Variants in CFAP20DC observed in about 807,000 individuals in gnomAD.
CFAP20DC encodes protein CFAP20DC.
Under a neutral mutation model 101.7 loss-of-function variants are expected in CFAP20DC, and 84 were observed. The observed-to-expected ratio is 0.83, with a 90% CI of 0.69 to 0.99. CFAP20DC has a LOEUF of 0.99. CFAP20DC is among the 50% of genes least tolerant of loss of function. CFAP20DC has a pLI of 0.00. For synonymous variants in CFAP20DC, 359 were observed against 351.2 expected (o/e 1.02, Z -0.25); for missense variants, 1,007 against 970.3 (o/e 1.04, Z -0.50).
intron 4 of CFAP20DC, among the ~76,000 whole-genome samples, chr3:58,957,853 T>C (rs890706018): frequency 6.6e-6 from 1 of 152,054 alleles, no homozygotes; most frequent in Non-Finnish European, 1.5e-5. Context: ...GGCTGGGAAG[T>C]GTAGCGGGCA....
At position 58,753,836 on chromosome 3, in the gene CFAP20DC, T is replaced by G; in HGVS notation, c.2265A>C (p.Pro755=). Residue 755 remains proline, a synonymous_variant, in exon 16 of 17, where the codon CCA becomes CCC. Coordinates refer to ENST00000482387, the MANE Select transcript of CFAP20DC (RefSeq NM_001394063.1). ...CCGGCTGTTGACTGGGAGGAACGATTGGTGGGCTCAACATATTTAACCAGT... is the reference window on the plus strand; with the variant it reads ...CCGGCTGTTGACTGGGAGGAACGATGGGTGGGCTCAACATATTTAACCAGT... ...PRDWLNMLSP[P]IVPPSQQPAE... 6.2e-7 allele frequency: 1 copy of G among 1,612,650 alleles called. No individual in the cohort carries two copies. Among genetic ancestry groups the G allele is most frequent in the East Asian group, 2.2e-5 (1 of 44,844 alleles).
intron 5 of CFAP20DC, among the ~76,000 whole-genome samples, chr3:58,920,369 C>A (rs557562480): frequency 6.6e-6 from 1 of 152,238 alleles, no homozygotes; most frequent in Admixed American, 6.5e-5. Context: ...GTTGGGAATA[C>A]AGGCATGAGC....
At chr3:58,915,246 C>A (rs1168791680) in intron 5 of CFAP20DC, among the ~76,000 whole-genome samples, 1 of 151,976 alleles carries the variant, frequency 6.6e-6, no homozygotes, top group East Asian at 1.9e-4. Context: ...GTGAGGAGGG[C>A]TGGCTAGGAA....
At chr3:58,832,246 G>T (rs1360711498) in intron 13 of CFAP20DC, among the ~76,000 whole-genome samples, 1 of 152,098 alleles carries the variant, frequency 6.6e-6, no homozygotes, top group Non-Finnish European at 1.5e-5. Context: ...AACTGGGTCA[G>T]CTCCTTTATG....
chr3:58,938,211 G>C (rs963094191), intron 4 of CFAP20DC, among the ~76,000 whole-genome samples: 1 of 152,138 alleles, frequency 6.6e-6, no homozygotes, highest in African/African-American at 2.4e-5. Context: ...TCTGCTTAGA[G>C]ACAGACACAA....
At chr3:58,959,116 TG>T (rs1458200350) in intron 4 of CFAP20DC, among the ~76,000 whole-genome samples, 1 of 152,176 alleles carries the variant, frequency 6.6e-6, no homozygotes, top group Non-Finnish European at 1.5e-5. Context: ...TTTTTTGAGA[TG>T]GAGTTTCACT....
intron 16 of CFAP20DC, among the ~76,000 whole-genome samples, chr3:58,747,799 C>T (rs558248725): frequency 9.9e-5 from 15 of 152,216 alleles, no homozygotes; most frequent in African/African-American, 3.6e-4. Context: ...TTAACTCACA[C>T]TAAAGTCTGA....
chr3:58,927,865 T>C (rs1350551697), intron 5 of CFAP20DC, among the ~76,000 whole-genome samples: 1 of 152,120 alleles, frequency 6.6e-6, no homozygotes, highest in African/African-American at 2.4e-5. Flanking sequence ...TTTAATTAAA[T>C]AAGGGCTCTT....
rs922372964 is a variant in CFAP20DC, at chr3:58,808,128, G to T, written c.2176-1672C>A. Among the ~76,000 whole-genome samples the T allele has an allele frequency of 6.6e-5, 10 of 152,326 alleles. No individual in the cohort carries two copies. In the South Asian group the frequency reaches 1.9e-3, roughly 28 times the overall value. On this transcript the variant is annotated intron_variant, in intron 14 of 16. Coordinates refer to ENST00000482387, the MANE Select transcript of CFAP20DC (RefSeq NM_001394063.1). Reference sequence around the variant, plus strand: ...GTGACAGGGAGAATGGAACCAAGTTGGAAAACACTCTGCAAGATATTATCC... The same window carrying T: ...GTGACAGGGAGAATGGAACCAAGTTTGAAAACACTCTGCAAGATATTATCC...
In CFAP20DC at chr3:58,864,209, G is replaced by A. The variant is rs535748666; in HGVS notation, c.1259-317C>T. On this transcript the variant is annotated intron_variant, in intron 11 of 16. Coordinates refer to ENST00000482387, the MANE Select transcript of CFAP20DC (RefSeq NM_001394063.1). This position sits in a 1 kb window ranked among gnomAD's most constrained non-coding sequence, Gnocchi z 4.7. Reference sequence around the variant, plus strand: ...CCTGACTTCATGATCTGCCCGCCTCGGCCTCCCAAAAAGCTGGGATTACAG... The same window carrying A: ...CCTGACTTCATGATCTGCCCGCCTCAGCCTCCCAAAAAGCTGGGATTACAG... 2.1e-3 allele frequency among the ~76,000 whole-genome samples: 315 copies of A among 152,210 alleles called. 3 individuals are homozygous for A. The highest frequency in any genetic ancestry group is 7.3e-3 in the African/African-American group (305 of 41,526).
chr3:58,983,033 C>G (rs1054684105), intron 4 of CFAP20DC, among the ~76,000 whole-genome samples: 1 of 151,796 alleles, frequency 6.6e-6, no homozygotes, highest in Non-Finnish European at 1.5e-5. Context: ...AGGGTCTGAA[C>G]AGAAAAAGGA....
intron 15 of CFAP20DC, among the ~76,000 whole-genome samples, chr3:58,805,153 T>C (rs1482514036): frequency 3.3e-5 from 5 of 152,198 alleles, no homozygotes; most frequent in African/African-American, 1.2e-4. Context: ...ATTCTCTTTC[T>C]TGAAAAAGGA....
chr3:58,721,639 C>T lies in CFAP20DC; in HGVS notation c.198-4011G>A, dbSNP rs943899710. On this transcript the variant is annotated intron_variant, in intron 3 of 3. Coordinates refer to the CFAP20DC transcript ENST00000486145. The surrounding 1 kb of genome is among the most constrained non-coding windows in gnomAD (Gnocchi z 5.2). ...AGCAGTGTGGCTGGGGAGAGAAGAGCCATGTGGTCCAGACAAATCTGGAGG... is the reference window on the plus strand; with the variant it reads ...AGCAGTGTGGCTGGGGAGAGAAGAGTCATGTGGTCCAGACAAATCTGGAGG... Among the ~76,000 whole-genome samples the T allele has an allele frequency of 6.6e-6, 1 of 152,092 alleles. No homozygotes were observed. Among genetic ancestry groups the T allele is most frequent in the Admixed American group, 6.5e-5 (1 of 15,272 alleles).
intron 5 of CFAP20DC, among the ~76,000 whole-genome samples, chr3:58,915,985 T>G (rs1473037301): frequency 6.6e-6 from 1 of 152,160 alleles, no homozygotes; most frequent in Non-Finnish European, 1.5e-5. Flanking sequence ...TTCTCTCATT[T>G]GCTCTCATTT....
In CFAP20DC at chr3:59,015,273, A is replaced by G. The variant is rs115078887; in HGVS notation, c.278+24284T>C. Among the ~76,000 whole-genome samples, 345 of 152,156 alleles carry G rather than the reference A, an allele frequency of 2.3e-3. No homozygotes were observed. Among genetic ancestry groups the G allele is most frequent in the African/African-American group, 8.1e-3 (335 of 41,524 alleles). ...AGGCACCCACTTTCTCTTCTTGAGT[A>G]AGTTTACTCCCACAGGAGTAGAAGT... On this transcript the variant is annotated intron_variant, in intron 4 of 16. Coordinates refer to ENST00000482387, the MANE Select transcript of CFAP20DC (RefSeq NM_001394063.1). This position sits in a 1 kb window ranked among gnomAD's most constrained non-coding sequence, Gnocchi z 5.4.
rs557784267 is a variant in CFAP20DC, at chr3:58,815,925, G to C, written c.2176-9469C>G. ...ACACTGTTGCTGGGACTGTAAACTA[G>C]TTCAACCATTGTGGAAGTCAGTGTG... On this transcript the variant is annotated intron_variant, in intron 14 of 16. Transcript: ENST00000482387. Among the ~76,000 whole-genome samples the C allele has an allele frequency of 8.2e-3, 1,246 of 151,622 alleles. 36 individuals are homozygous for C. Among genetic ancestry groups the C allele is most frequent in the African/African-American group, 0.029 (1,186 of 40,978 alleles).
At chr3:58,810,955 T>C (rs549196767) in intron 14 of CFAP20DC, among the ~76,000 whole-genome samples, 15 of 152,082 alleles carry the variant, frequency 9.9e-5, no homozygotes, top group East Asian at 7.7e-4. Context: ...CCATGCACAA[T>C]TGCTTCAAAG....
In CFAP20DC at chr3:58,753,857, C is replaced by T; in HGVS notation, c.2244G>A (p.Trp748Ter). The change falls in exon 16 of 17, where the codon TGG becomes TGA. Residue 748 changes from tryptophan to a stop codon, truncating the protein, a stop_gained. Transcript: ENST00000482387. LOFTEE classifies it high-confidence loss of function. The stretch of plus-strand genomic sequence containing the variant: ...CGATTGGTGGGCTCAACATATTTAA[C>T]CAGTCCCTAAAAAGAAAACAAAGTG... ...NPPSPSNPRD[W>*]LNMLSPPIVP... 6.2e-7 allele frequency: 1 copy of T among 1,607,148 alleles called. No individual in the cohort carries two copies. Among genetic ancestry groups the T allele is most frequent in the South Asian group, 1.1e-5 (1 of 89,984 alleles).
At chr3:58,841,117 G>A (rs992461990) in intron 13 of CFAP20DC, among the ~76,000 whole-genome samples, 3 of 152,242 alleles carry the variant, frequency 2.0e-5, no homozygotes, top group South Asian at 4.1e-4. Flanking sequence ...AAAGGAGGGA[G>A]AACCACCCCT....
Sources: allele counts gnomAD v4.1 joint callset (sites outside exome capture counted in the v4.1 genomes callset), GRCh38; gene constraint gnomAD v4.1.1; non-coding constraint Gnocchi (gnomAD v3.1); transcripts MANE v1.5; gene names NCBI Gene and HGNC (gene_info 2026-07-23, HGNC 2026-07-21).